CNTN4: variants seen among roughly 807,000 people sequenced by gnomAD.
CNTN4 encodes contactin 4.
CNTN4 carries 77 observed loss-of-function variants against 122.5 expected under a neutral mutation model. The ratio of observed to expected loss-of-function variants is 0.63; its 90% CI spans 0.52 to 0.76. The LOEUF is 0.76. Ranked by LOEUF, CNTN4 falls within the 30% of genes least tolerant of loss-of-function variation. The pLI, the probability that CNTN4 is intolerant of heterozygous loss-of-function variation, is 0.00. For synonymous variants in CNTN4, 512 were observed against 447.0 expected (o/e 1.15, Z -1.83); for missense variants, 1,256 against 1,259.1 (o/e 1.00, Z 0.04).
intron 3 of CNTN4, among the ~76,000 whole-genome samples, chr3:2,340,742 C>G (rs1553627606): frequency 6.2e-4 from 23 of 37,388 alleles, no homozygotes; most frequent in East Asian, 4.4e-3. Flanking sequence ...GAGAGAGAGT[C>G]AGAAATTTAT....
chr3:2,585,768 A>G (rs1395885657), intron 4 of CNTN4, among the ~76,000 whole-genome samples: 1 of 151,814 alleles, frequency 6.6e-6, no homozygotes, highest in Non-Finnish European at 1.5e-5. Context: ...CAGCACACCA[A>G]CATGGCACAC....
At chr3:2,708,863 CT>C (rs1017759667) in intron 4 of CNTN4, among the ~76,000 whole-genome samples, 4 of 152,026 alleles carry the variant, frequency 2.6e-5, no homozygotes, top group African/African-American at 9.7e-5. Context: ...GAAGATAAAT[CT>C]TTTTTAAAAA....
intron 20 of CNTN4, among the ~76,000 whole-genome samples, chr3:3,040,878 G>T (rs945781723): frequency 6.6e-6 from 1 of 151,156 alleles, no homozygotes; most frequent in African/African-American, 2.4e-5. Context: ...GGTGAGCCGA[G>T]ATCGCACCAC....
At chr3:2,684,362 A>G (rs1000649432) in intron 4 of CNTN4, among the ~76,000 whole-genome samples, 5 of 152,160 alleles carry the variant, frequency 3.3e-5, no homozygotes, top group African/African-American at 1.2e-4. Flanking sequence ...GGAGTAAGGA[A>G]ACAATGAATT....
rs181740663 is a variant in CNTN4, at chr3:2,881,279, G to A, written c.653-1866G>A. ...TGTAATCCCAGCACTTTGGGAGGCC[G>A]AGGCAGACAGATCACCTGAGGTCAG... On this transcript the variant is annotated intron_variant, in intron 8 of 24. Transcript: ENST00000418658. 2.8e-3 allele frequency among the ~76,000 whole-genome samples: 433 copies of A among 152,212 alleles called. 1 individual carries two copies. Among genetic ancestry groups the A allele is most frequent in the African/African-American group, 8.7e-3 (362 of 41,540 alleles).
intron 4 of CNTN4, among the ~76,000 whole-genome samples, chr3:2,613,665 A>G (rs983298849): frequency 6.6e-6 from 1 of 152,162 alleles, no homozygotes; most frequent in Non-Finnish European, 1.5e-5. Context: ...GAGTTACACT[A>G]TAATTCATGA....
chr3:2,253,814 C>G (rs1045175439), intron 2 of CNTN4, among the ~76,000 whole-genome samples: 1 of 151,956 alleles, frequency 6.6e-6, no homozygotes, highest in Non-Finnish European at 1.5e-5. Flanking sequence ...GTCAAGATTT[C>G]TTATTAATTT....
Position 2,104,959 on chromosome 3 carries a change from G to A in CNTN4, c.-145+4320G>A, listed in dbSNP as rs73112450. 2.3e-3 allele frequency among the ~76,000 whole-genome samples: 343 copies of A among 152,178 alleles called. 1 individual carries two copies. Among genetic ancestry groups the A allele is most frequent in the Non-Finnish European group, 3.8e-3 (255 of 67,998 alleles). On this transcript the variant is annotated intron_variant, in intron 2 of 24. Transcript: ENST00000418658. ...GTGCATATGGTCTGGGTGGGATTCC[G>A]TTTCCCATTTAAGGATTGGAGCATG...
intron 12 of CNTN4, among the ~76,000 whole-genome samples, chr3:2,922,258 T>C (rs1004256760): frequency 6.6e-6 from 1 of 152,160 alleles, no homozygotes; most frequent in African/African-American, 2.4e-5. Context: ...CTTCTGGGGA[T>C]TTACCAATAA....
chr3:2,966,979 G>C (rs953583650), intron 13 of CNTN4, among the ~76,000 whole-genome samples: 1 of 152,192 alleles, frequency 6.6e-6, no homozygotes, highest in Non-Finnish European at 1.5e-5. Flanking sequence ...CTGCTGCCTA[G>C]ACAGAGCAGA....
Position 2,908,646 on chromosome 3 carries a change from T to C in CNTN4, c.1207+5641T>C, listed in dbSNP as rs575778967. ...AAAAATCTCCATGTTAATCACTTCC[T>C]AAGCTACCTCTTAAGTGGGGTTCCA... On this transcript the variant is annotated intron_variant, in intron 12 of 24. Coordinates refer to ENST00000418658, the MANE Select transcript of CNTN4 (RefSeq NM_175607.3). Among the ~76,000 whole-genome samples, 13 of 152,304 alleles carry C rather than the reference T, an allele frequency of 8.5e-5. No homozygotes were observed. The South Asian group carries it at 2.7e-3, about 32-fold the overall frequency.
At chr3:2,823,771 A>G (rs1161900379) in intron 7 of CNTN4, among the ~76,000 whole-genome samples, 4 of 152,176 alleles carry the variant, frequency 2.6e-5, no homozygotes, top group Non-Finnish European at 5.9e-5. Flanking sequence ...TTATTCCTCA[A>G]TAAAATCCTC....
intron 2 of CNTN4, among the ~76,000 whole-genome samples, chr3:2,315,563 A>G (rs1211915623): frequency 1.3e-5 from 2 of 152,018 alleles, no homozygotes; most frequent in African/African-American, 4.8e-5. Flanking sequence ...TTCCTCAGAA[A>G]TAAGACTGTT....
chr3:2,508,012 G>A (rs975662657), intron 3 of CNTN4, among the ~76,000 whole-genome samples: 3 of 152,064 alleles, frequency 2.0e-5, no homozygotes, highest in African/African-American at 7.2e-5. Context: ...ATGTCACATT[G>A]ACATAATTAT....
At chr3:2,561,476 G>A (rs1294743614) in intron 3 of CNTN4, among the ~76,000 whole-genome samples, 2 of 152,070 alleles carry the variant, frequency 1.3e-5, no homozygotes, top group African/African-American at 4.8e-5. Flanking sequence ...CCAGTGCTCA[G>A]TGGGAAATCC....
At chr3:2,656,739 GTA>G (rs2083606977) in intron 4 of CNTN4, among the ~76,000 whole-genome samples, 1 of 152,212 alleles carries the variant, frequency 6.6e-6, no homozygotes, top group Non-Finnish European at 1.5e-5. Context: ...CTTCAGATGT[GTA>G]TGAGTCAGCA....
At chr3:2,551,564 C>A (rs2078506960) in intron 3 of CNTN4, among the ~76,000 whole-genome samples, 2 of 151,748 alleles carry the variant, frequency 1.3e-5, no homozygotes, top group African/African-American at 4.8e-5. Context: ...TTGTAATGAT[C>A]ATGAAAGGAT....
intron 2 of CNTN4, among the ~76,000 whole-genome samples, chr3:2,107,431 AAG>A (rs1261918743): frequency 1.3e-5 from 2 of 152,158 alleles, no homozygotes; most frequent in African/African-American, 4.8e-5. Context: ...GGCAGCAAGC[AAG>A]AGAGAGTGAA....
intron 3 of CNTN4, among the ~76,000 whole-genome samples, chr3:2,504,484 G>A (rs1187608589): frequency 2.0e-5 from 3 of 152,110 alleles, no homozygotes; most frequent in African/African-American, 7.2e-5. Flanking sequence ...GACCCTTTAA[G>A]AAAATAAATT....
Sources: allele counts gnomAD v4.1 joint callset (sites outside exome capture counted in the v4.1 genomes callset), GRCh38; gene constraint gnomAD v4.1.1; transcripts MANE v1.5; gene names NCBI Gene and HGNC (gene_info 2026-07-23, HGNC 2026-07-21).